POLE: variants seen among roughly 807,000 people sequenced by gnomAD.
The protein encoded by POLE is DNA polymerase epsilon, catalytic subunit, also known as DNA polymerase epsilon catalytic subunit A.
POLE carries 188 observed loss-of-function variants against 279.2 expected under a neutral mutation model. The observed-to-expected ratio is 0.67, with a 90% CI of 0.60 to 0.76. The LOEUF is 0.76. Ranked by LOEUF, POLE falls within the 30% of genes least tolerant of loss-of-function variation. The pLI is 0.00. For synonymous variants in POLE, 1,214 were observed against 1,172.5 expected, an observed-to-expected ratio of 1.04 and a Z score of -0.72; for missense variants, 2,703 against 3,016.7, an observed-to-expected ratio of 0.90 and a Z score of 2.44.
Position 132,642,896 on chromosome 12 carries a change from T to C in POLE, c.4652A>G (p.His1551Arg), listed in dbSNP as rs1235780954. 1.2e-6 allele frequency: 2 copies of C among 1,613,590 alleles called. No individual in the cohort carries two copies. The highest frequency in any genetic ancestry group is 1.7e-6 in the Non-Finnish European group (2 of 1,179,894). ...AGTTTCTGCCCGAACTTCGAAGGTG[T>C]GTTTGGGGGGTGGCAGGAGCTCAGG... is the stretch of plus-strand genomic sequence containing the variant. Reference protein sequence around the residue: ...VGPELLPPPKHTFEVRAETDL... With the variant: ...VGPELLPPPKRTFEVRAETDL... The change falls in exon 36 of 49, where the codon CAC becomes CGC. Residue 1551 changes from histidine (H) to arginine (R), a missense_variant. Transcript: ENST00000320574.
intron 29 of POLE, among the ~76,000 whole-genome samples, chr12:132,655,184 T>G (rs1403076479): frequency 2.0e-5 from 3 of 152,260 alleles, no homozygotes; most frequent in African/African-American, 4.8e-5. Flanking sequence ...ATACATGCAT[T>G]TAGATATATA....
At chr12:132,654,365 G>C (rs551369375) in intron 29 of POLE, among the ~76,000 whole-genome samples, 1 of 151,922 alleles carries the variant, frequency 6.6e-6, no homozygotes. Context: ...GAGCCACTGC[G>C]CCTGGCCTGT....
At chr12:132,686,168 C>T (rs2043259452) in intron 1 of POLE, among the ~76,000 whole-genome samples, 3 of 152,068 alleles carry the variant, frequency 2.0e-5, no homozygotes, top group African/African-American at 7.2e-5. Flanking sequence ...TGAGCCACCG[C>T]GCCGGGCCTC....
chr12:132,655,427 T>TA (rs1346531537), intron 29 of POLE, among the ~76,000 whole-genome samples: 1 of 152,214 alleles, frequency 6.6e-6, no homozygotes, highest in Non-Finnish European at 1.5e-5. Context: ...TTGAAAAGGA[T>TA]AGGTATTCTC....
chr12:132,646,688 C>T (rs942144672), intron 32 of POLE, among the ~76,000 whole-genome samples: 21 of 151,812 alleles, frequency 1.4e-4, no homozygotes, highest in Non-Finnish European at 2.4e-4. Context: ...CAAAATTAGC[C>T]GGGCGTGGTG....
Position 132,639,397 on chromosome 12 carries a change from G to T in POLE, c.5379-99C>A. The stretch of plus-strand genomic sequence containing the variant: ...AAATGGGCACAGGTTTTCCCTACAC[G>T]GCTGGGTCCAAATCCGTCACTGTCG... On this transcript the variant is annotated intron_variant, in intron 39 of 48. Transcript: ENST00000320574. This position sits in a 1 kb window ranked among gnomAD's most constrained non-coding sequence, Gnocchi z 4.7. The T allele has an allele frequency of 8.6e-7, 1 of 1,156,570 alleles. No individual in the cohort carries two copies. The highest frequency in any genetic ancestry group is 1.2e-6 in the Non-Finnish European group (1 of 807,472). 71.6% of individuals were successfully genotyped at this position (1,156,570 alleles called of 1,614,324 possible). A position where few individuals can be genotyped will look rare whatever the true frequency, so the allele number is the denominator to read the frequency against.
rs373092830 is a variant in POLE at position 132,626,172 on chromosome 12, C to T, written c.6476G>A (p.Arg2159His). The change falls in exon 46 of 49, where the codon CGC becomes CAC. Residue 2159 changes from arginine (R) to histidine (H), a missense_variant. Around this residue, in one of 5 missense-constraint regions of POLE, gnomAD observed 1,551 missense variants for 1,686.1 expected, o/e 0.92. Transcript: ENST00000320574. ...CAGGTCGCGGCAGAAGTTACAGCTG[C>T]GGCAGATGACCTCAGGAAGCACGTA... ...RSYVLPEVIC[R>H]SCNFCRDLDL... 3.0e-5 allele frequency: 49 copies of T among 1,612,446 alleles called. No individual in the cohort carries two copies. Among genetic ancestry groups the T allele is most frequent in the Middle Eastern group, 3.4e-4 (2 of 5,964 alleles).
In POLE at chr12:132,655,477, T is replaced by G. The variant is rs571304658; in HGVS notation, c.3582+1659A>C. Among the ~76,000 whole-genome samples the G allele has an allele frequency of 2.0e-5, 3 of 152,352 alleles. No homozygotes were observed. In the South Asian group the frequency reaches 6.2e-4, roughly 32 times the overall value. Reference sequence around the variant, plus strand: ...GACTACATTTGTTCACTAAATGTATTATAGCTAGTGACTAAATCTAGTTAG... The same window carrying G: ...GACTACATTTGTTCACTAAATGTATGATAGCTAGTGACTAAATCTAGTTAG... On this transcript the variant is annotated intron_variant, in intron 29 of 48. Coordinates refer to ENST00000320574, the MANE Select transcript of POLE (RefSeq NM_006231.4).
In POLE at chr12:132,634,276, C is replaced by T. The variant is rs774726229; in HGVS notation, c.5914G>A (p.Val1972Met). The change falls in exon 43 of 49, where the codon GTG becomes ATG. Residue 1972 changes from valine (V) to methionine (M), a missense_variant. Physicochemically the swap from Val to Met is conservative, Grantham distance 21. This residue lies in a region of POLE where 1,551 missense variants were observed against 1,686.1 expected (regional missense o/e 0.92). Transcript: ENST00000320574. This position sits in a 1 kb window ranked among gnomAD's most constrained non-coding sequence, Gnocchi z 4.0. ...CAGTTGTTTTCCAGTAAATCCTCCA[C>T]GTTGGATTCCTCCGCCTCTTCCTCC... ...EEEEEAEESN[V>M]EDLLENNWNI... The T allele has an allele frequency of 2.5e-5, 40 of 1,614,118 alleles. No individual in the cohort carries two copies. Among genetic ancestry groups the T allele is most frequent in the Non-Finnish European group, 3.1e-5 (36 of 1,180,034 alleles).
chr12:132,632,898 T>A (rs1426040207), intron 43 of POLE, 103 bp from the exon 44 acceptor site: 1 of 1,250,758 alleles, frequency 8.0e-7, no homozygotes. Flanking sequence ...CAGATGAGGC[T>A]AAAATGTCAT....
chr12:132,681,656 A>G (rs933333886), intron 1 of POLE, among the ~76,000 whole-genome samples: 1 of 152,136 alleles, frequency 6.6e-6, no homozygotes, highest in South Asian at 2.1e-4. Context: ...GGGTATATAT[A>G]TTCCTGAAAA....
intron 1 of POLE, among the ~76,000 whole-genome samples, chr12:132,685,316 C>G (rs1049459613): frequency 1.3e-5 from 2 of 151,938 alleles, no homozygotes; most frequent in Non-Finnish European, 2.9e-5. Flanking sequence ...GTACTCCACA[C>G]AGGCTCTCAT....
intron 29 of POLE, 85 bp from the exon 30 acceptor site, chr12:132,649,974 G>C: frequency 8.4e-7 from 1 of 1,187,954 alleles, no homozygotes; most frequent in Non-Finnish European, 1.2e-6. Flanking sequence ...ACTTTGGGAG[G>C]CCAAGACAGG....
chr12:132,652,872 C>A (rs1483754455), intron 29 of POLE, among the ~76,000 whole-genome samples: 2 of 152,126 alleles, frequency 1.3e-5, no homozygotes, highest in Admixed American at 6.5e-5. Flanking sequence ...CTTCAAAATT[C>A]TTTGGTTATT....
chr12:132,657,709 G>A (rs538941879), intron 27 of POLE, among the ~76,000 whole-genome samples, 159 bp downstream of exon 27: 1 of 152,164 alleles, frequency 6.6e-6, no homozygotes, highest in African/African-American at 2.4e-5. Flanking sequence ...TTTCAGTTTT[G>A]CCCTAAAAGG....
In POLE at chr12:132,632,491, G is replaced by A. The variant is rs2041953300; in HGVS notation, c.6154C>T (p.Gln2052Ter). ...GALPGMITFS[Q>*]DYVANELTQS... The stretch of plus-strand genomic sequence containing the variant: ...GTGAGCTCATTTGCGACATAATCCT[G>A]AGAGAAGGTGATCATTCCTGGAAGT... Residue 2052 changes from glutamine to a stop codon, truncating the protein, a stop_gained, in exon 45 of 49, where the codon CAG (glutamine) becomes TAG (stop). Transcript: ENST00000320574. LOFTEE classifies it high-confidence loss of function. The A allele has an allele frequency of 1.2e-6, 2 of 1,614,072 alleles. No homozygotes were observed. The highest frequency in any genetic ancestry group is 1.1e-5 in the South Asian group (1 of 91,082).
chr12:132,660,591 A>C, intron 25 of POLE: 1 of 163,892 alleles, frequency 6.1e-6, no homozygotes, highest in Non-Finnish European at 1.3e-5. Context: ...AGCCTGAAAA[A>C]TATAAAAAAT....
chr12:132,670,604 C>A (rs1173738644), intron 16 of POLE, among the ~76,000 whole-genome samples: 1 of 150,970 alleles, frequency 6.6e-6, no homozygotes, highest in African/African-American at 2.4e-5. Flanking sequence ...TATTCTCCTG[C>A]CTCAGCCTCC....
At chr12:132,667,742 G>T in intron 19 of POLE, 94 bp from the exon 20 acceptor site, 3 of 1,338,666 alleles carry the variant, frequency 2.2e-6, no homozygotes, top group Admixed American at 1.8e-5. Context: ...TGGCTTCTAC[G>T]TCACCACAAA....
Sources: allele counts gnomAD v4.1 joint callset (sites outside exome capture counted in the v4.1 genomes callset), GRCh38; gene constraint gnomAD v4.1.1; regional missense constraint gnomAD v4.1.1; non-coding constraint Gnocchi (gnomAD v3.1); transcripts MANE v1.5; gene names NCBI Gene and HGNC (gene_info 2026-07-23, HGNC 2026-07-21).